Variants in KIT observed in about 807,000 individuals in gnomAD.
KIT encodes the protein KIT proto-oncogene, receptor tyrosine kinase, also known as mast/stem cell growth factor receptor Kit.
Under a neutral mutation model 105.7 loss-of-function variants are expected in KIT, and 16 were observed. That is an observed-to-expected ratio of 0.15 (90% CI 0.10 to 0.23). KIT has a LOEUF of 0.23. Ranked by LOEUF, KIT falls within the 10% of genes least tolerant of loss-of-function variation. The pLI, the probability that KIT is intolerant of heterozygous loss-of-function variation, is 1.00. For missense variants in KIT, 858 were observed against 1,213.8 expected, an observed-to-expected ratio of 0.71 and a Z score of 4.36; for synonymous variants, 438 against 441.1, an observed-to-expected ratio of 0.99 and a Z score of 0.09.
chr4:54,699,892 G>T, intron 4 of KIT, 126 bp downstream of exon 4: 1 of 986,410 alleles, frequency 1.0e-6, no homozygotes, highest in South Asian at 1.3e-5. Context: ...TTGTCTGGGA[G>T]AGTGTTGGGA....
Position 54,739,653 on chromosome 4 carries a change from T to C in KIT, c.*1096T>C. On this transcript the variant is annotated 3_prime_UTR_variant, in exon 21 of 21. Coordinates refer to ENST00000288135, the MANE Select transcript of KIT (RefSeq NM_000222.3). ...GCATGTCCTGGACACCGGGCCAGTA[T>C]CTATATATGTGTATGTACGTTTGTA... 1 of 233,622 alleles carries C rather than the reference T, an allele frequency of 4.3e-6. No homozygotes were observed. The highest frequency in any genetic ancestry group is 6.0e-5 in the East Asian group (1 of 16,576). 14.5% of individuals were successfully genotyped at this position (233,622 alleles called of 1,614,324 possible). A position where few individuals can be genotyped will look rare whatever the true frequency, so the allele number is the denominator to read the frequency against.
intron 1 of KIT, among the ~76,000 whole-genome samples, chr4:54,666,868 A>G (rs1032366261): frequency 1.3e-5 from 2 of 152,212 alleles, no homozygotes; most frequent in East Asian, 1.9e-4. Context: ...ATCCACTACT[A>G]TAGTCACAAT....
chr4:54,708,761 A>G (rs748014442), intron 6 of KIT, among the ~76,000 whole-genome samples: 86 of 151,828 alleles, frequency 5.7e-4, no homozygotes, highest in Non-Finnish European at 1.0e-3. Flanking sequence ...GCCCATGTGG[A>G]TCGTGTGGGT....
intron 7 of KIT, among the ~76,000 whole-genome samples, chr4:54,719,935 T>G (rs1274809746): frequency 1.3e-5 from 2 of 151,784 alleles, no homozygotes; most frequent in Non-Finnish European, 2.9e-5. Flanking sequence ...CAGAAGGAGG[T>G]CTCTTAGCAC....
At chr4:54,680,027 G>A (rs767356147) in intron 1 of KIT, among the ~76,000 whole-genome samples, 9 of 152,184 alleles carry the variant, frequency 5.9e-5, no homozygotes, top group Non-Finnish European at 1.2e-4. Flanking sequence ...AGAATGGTGA[G>A]TCATTATGCA....
At chr4:54,721,769 C>T (rs1443991300) in intron 7 of KIT, among the ~76,000 whole-genome samples, 1 of 152,158 alleles carries the variant, frequency 6.6e-6, no homozygotes, top group Non-Finnish European at 1.5e-5. Flanking sequence ...TCAGTCTTTC[C>T]TTCTCACTGC....
At chr4:54,693,717 T>G (rs1719866668) in intron 1 of KIT, among the ~76,000 whole-genome samples, 1 of 152,138 alleles carries the variant, frequency 6.6e-6, no homozygotes, top group African/African-American at 2.4e-5. Context: ...AAATCTGATG[T>G]GCATGAACCA....
intron 1 of KIT, among the ~76,000 whole-genome samples, chr4:54,668,664 G>A (rs1717879653): frequency 1.3e-5 from 2 of 152,186 alleles, no homozygotes; most frequent in Non-Finnish European, 2.9e-5. Context: ...GATTCAATTG[G>A]CTTCTGGGGA....
chr4:54,714,962 A>G (rs772345309), intron 7 of KIT, among the ~76,000 whole-genome samples: 3 of 152,206 alleles, frequency 2.0e-5, no homozygotes, highest in Non-Finnish European at 4.4e-5. Flanking sequence ...GCACCAAATT[A>G]ACTCAGAAGT....
chr4:54,710,082 G>A (rs906348910), intron 7 of KIT, among the ~76,000 whole-genome samples: 1 of 152,228 alleles, frequency 6.6e-6, no homozygotes, highest in African/African-American at 2.4e-5. Context: ...TAGGATGGGA[G>A]ATGGCCATGG....
intron 1 of KIT, among the ~76,000 whole-genome samples, chr4:54,675,896 G>T (rs972308423): frequency 1.3e-5 from 2 of 152,070 alleles, no homozygotes; most frequent in African/African-American, 4.8e-5. Flanking sequence ...TTTGCCACCC[G>T]GTGTCACTAT....
At chr4:54,713,345 AT>A (rs1346683038) in intron 7 of KIT, among the ~76,000 whole-genome samples, 1 of 151,800 alleles carries the variant, frequency 6.6e-6, no homozygotes, top group East Asian at 1.9e-4. Flanking sequence ...GTGAGGTAGG[AT>A]TTTTTTCATG....
At chr4:54,705,710 C>G (rs977435521) in intron 5 of KIT, among the ~76,000 whole-genome samples, 1 of 151,920 alleles carries the variant, frequency 6.6e-6, no homozygotes, top group Non-Finnish European at 1.5e-5. Flanking sequence ...TGGTGAAACC[C>G]CATTTCTACA....
intron 1 of KIT, among the ~76,000 whole-genome samples, chr4:54,689,948 C>T (rs993553042): frequency 6.6e-6 from 1 of 151,854 alleles, no homozygotes; most frequent in Non-Finnish European, 1.5e-5. Context: ...CTATGTACGT[C>T]ATATAACTGG....
At chr4:54,737,784 T>C (rs1367904748) in intron 20 of KIT, among the ~76,000 whole-genome samples, 1 of 152,210 alleles carries the variant, frequency 6.6e-6, no homozygotes, top group African/African-American at 2.4e-5. Flanking sequence ...CTGTTTGAAG[T>C]TGGGAGATCC....
chr4:54,665,081 C>T (rs1717594470), intron 1 of KIT, among the ~76,000 whole-genome samples: 2 of 152,190 alleles, frequency 1.3e-5, no homozygotes. Flanking sequence ...CACCATTCTA[C>T]TTTCTGTCTC....
chr4:54,701,710 C>G (rs933740973), intron 4 of KIT, among the ~76,000 whole-genome samples: 2 of 152,082 alleles, frequency 1.3e-5, no homozygotes, highest in African/African-American at 4.8e-5. Context: ...CTCTTGGGCT[C>G]TTGAAAGAAC....
At chr4:54,712,801 G>A (rs552920301) in intron 7 of KIT, among the ~76,000 whole-genome samples, 7 of 152,280 alleles carry the variant, frequency 4.6e-5, no homozygotes, top group African/African-American at 1.7e-4. Context: ...AGCACTTCCT[G>A]AGGTCCCACT....
intron 5 of KIT, among the ~76,000 whole-genome samples, chr4:54,706,708 T>G (rs1426723333): frequency 6.6e-6 from 1 of 152,182 alleles, no homozygotes; most frequent in Non-Finnish European, 1.5e-5. Flanking sequence ...TAGGGCTCCC[T>G]TGTTTTCCCT....
Sources: gnomAD v4.1 joint callset for allele counts (sites outside exome capture counted in the v4.1 genomes callset) on GRCh38, gnomAD v4.1.1 for gene constraint, MANE v1.5 for transcripts, NCBI Gene and HGNC (gene_info 2026-07-23, HGNC 2026-07-21) for gene names.